The following ZDHHC15 variants were observed in gnomAD, a reference collection of about 807,000 sequenced individuals.
The protein encoded by ZDHHC15 is palmitoyltransferase ZDHHC15.
A neutral mutation model predicts 31.7 loss-of-function variants in ZDHHC15; 19 were observed. That is an observed-to-expected ratio of 0.60 (90% confidence interval 0.42 to 0.88). ZDHHC15 has a LOEUF of 0.88. Ranked by LOEUF, ZDHHC15 falls within the 40% of genes least tolerant of loss-of-function variation. ZDHHC15 has a pLI of 0.00. For missense variants in ZDHHC15, 209 were observed against 251.2 expected, an observed-to-expected ratio of 0.83 and a Z score of 1.14; for synonymous variants, 103 against 90.0, an observed-to-expected ratio of 1.14 and a Z score of -0.82.
intron 11 of ZDHHC15, among the ~76,000 whole-genome samples, chrX:75,373,282 A>C (rs891557374): frequency 9.0e-6 from 1 of 111,473 alleles, no homozygotes; most frequent in Non-Finnish European, 1.9e-5. Flanking sequence ...CTTCAAAAAT[A>C]CTATTTTTGA....
intron 4 of ZDHHC15, among the ~76,000 whole-genome samples, chrX:75,438,664 A>T (rs1263518128): frequency 1.8e-5 from 2 of 111,586 alleles, no homozygotes; most frequent in East Asian, 5.6e-4. Context: ...TTCAACATTA[A>T]TATTGAGATG....
chrX:75,394,583 A>T (rs1021737627), intron 10 of ZDHHC15, among the ~76,000 whole-genome samples: 2 of 112,295 alleles, frequency 1.8e-5, no homozygotes, highest in Admixed American at 9.4e-5. Context: ...CAAAAATATC[A>T]GAGAAAATAC....
intron 1 of ZDHHC15, among the ~76,000 whole-genome samples, chrX:75,521,935 T>C (rs1458067952): frequency 9.0e-6 from 1 of 110,793 alleles, no homozygotes; most frequent in African/African-American, 3.3e-5. Flanking sequence ...TTTGATGGAA[T>C]AGGAGATAAA....
chrX:75,517,994 A>C (rs2085386776), intron 1 of ZDHHC15, among the ~76,000 whole-genome samples: 1 of 110,418 alleles, frequency 9.1e-6, no homozygotes, highest in African/African-American at 3.3e-5. Context: ...AACAAAAAAC[A>C]AACAAACAAA....
At chrX:75,489,673 A>T (rs1290811974) in intron 2 of ZDHHC15, among the ~76,000 whole-genome samples, 1 of 112,154 alleles carries the variant, frequency 8.9e-6, no homozygotes, top group Non-Finnish European at 1.9e-5. Context: ...AAACTCTAAA[A>T]ATCAGAGGAC....
chrX:75,424,921 A>G, intron 7 of ZDHHC15, 137 bp from the exon 8 acceptor site: 2 of 703,102 alleles, frequency 2.8e-6, no homozygotes, highest in Non-Finnish European at 4.0e-6. Flanking sequence ...TAAAATTTTT[A>G]TAATATGGTT....
chrX:75,513,512 A>C (rs1023873812), intron 1 of ZDHHC15, among the ~76,000 whole-genome samples: 2 of 111,400 alleles, frequency 1.8e-5, no homozygotes, highest in Non-Finnish European at 3.8e-5. Context: ...GACATTTTAA[A>C]GTGGCTGCCT....
chrX:75,399,003 C>G (rs1203265520), intron 10 of ZDHHC15, among the ~76,000 whole-genome samples: 1 of 112,155 alleles, frequency 8.9e-6, no homozygotes, highest in Non-Finnish European at 1.9e-5. Context: ...ACAAAACTCC[C>G]TGAAATAGGG....
chrX:75,520,848 T>TA (rs746799171), intron 1 of ZDHHC15, among the ~76,000 whole-genome samples: 6 of 110,511 alleles, frequency 5.4e-5, no homozygotes, highest in South Asian at 3.8e-4. Context: ...AAGGAAGAGG[T>TA]AAAAAAAATT....
intron 3 of ZDHHC15, among the ~76,000 whole-genome samples, chrX:75,455,899 T>C (rs1330719196): frequency 1.8e-5 from 2 of 111,810 alleles, no homozygotes; most frequent in Non-Finnish European, 3.8e-5. Context: ...TTTTACACCA[T>C]TGGTGGGAGT....
At chrX:75,490,626 T>C (rs2084868323) in intron 2 of ZDHHC15, among the ~76,000 whole-genome samples, 1 of 111,788 alleles carries the variant, frequency 8.9e-6, no homozygotes, top group African/African-American at 3.3e-5. Context: ...CCCATGTGCA[T>C]GGAATGTTCT....
intron 3 of ZDHHC15, among the ~76,000 whole-genome samples, chrX:75,470,048 T>C (rs763046271): frequency 9.0e-6 from 1 of 111,486 alleles, no homozygotes; most frequent in Non-Finnish European, 1.9e-5. Flanking sequence ...GTCACCTTGA[T>C]TGGACTGAGG....
At chrX:75,397,012 G>A (rs901347612) in intron 10 of ZDHHC15, among the ~76,000 whole-genome samples, 5 of 111,015 alleles carry the variant, frequency 4.5e-5, no homozygotes, top group African/African-American at 1.6e-4. Context: ...GGGGGTCGGG[G>A]AAGTTGGGAT....
At chrX:75,495,222 C>T in intron 2 of ZDHHC15, among the ~76,000 whole-genome samples, 1 of 111,771 alleles carries the variant, frequency 8.9e-6, no homozygotes. Context: ...AAATCAAAAC[C>T]ACAATGAGAT....
intron 2 of ZDHHC15, among the ~76,000 whole-genome samples, chrX:75,503,773 C>T (rs944462989): frequency 1.8e-5 from 2 of 111,223 alleles, no homozygotes; most frequent in Non-Finnish European, 3.8e-5. Flanking sequence ...AGCTGGGTGG[C>T]TTAAAATAAT....
intron 3 of ZDHHC15, among the ~76,000 whole-genome samples, chrX:75,468,220 T>A (rs1308060525): frequency 9.1e-6 from 1 of 110,152 alleles, no homozygotes; most frequent in African/African-American, 3.3e-5. Context: ...TAATTTTGTA[T>A]TTTTAGTAGA....
At chrX:75,422,118 G>T (rs2083652623) in intron 8 of ZDHHC15, 128 bp from the exon 9 acceptor site, 1 of 814,016 alleles carries the variant, frequency 1.2e-6, no homozygotes, top group African/African-American at 2.1e-5. Flanking sequence ...TGCTGTGGTA[G>T]CACAGACCTC....
At chrX:75,374,051 T>C (rs1253585987) in intron 11 of ZDHHC15, among the ~76,000 whole-genome samples, 1 of 106,583 alleles carries the variant, frequency 9.4e-6, no homozygotes, top group African/African-American at 3.4e-5. Flanking sequence ...ATGAGTTCAA[T>C]TGTTTTAATT....
intron 3 of ZDHHC15, among the ~76,000 whole-genome samples, chrX:75,463,767 G>A: frequency 9.0e-6 from 1 of 111,668 alleles, no homozygotes; most frequent in Non-Finnish European, 1.9e-5. Context: ...AGTTAGAATG[G>A]CAATCATTAA....
Sources: gnomAD v4.1 joint callset for allele counts (sites outside exome capture counted in the v4.1 genomes callset) on GRCh38, gnomAD v4.1.1 for gene constraint, MANE v1.5 for transcripts, NCBI Gene and HGNC (gene_info 2026-07-23, HGNC 2026-07-21) for gene names.